The following GRID2 variants were observed in gnomAD, a reference collection of about 807,000 sequenced individuals.
GRID2 encodes the protein glutamate receptor ionotropic, delta-2.
GRID2 carries 33 observed loss-of-function variants against 114.8 expected under a neutral mutation model. The ratio of observed to expected loss-of-function variants is 0.29; its 90% CI spans 0.22 to 0.38. The LOEUF (loss-of-function observed/expected upper bound fraction) is 0.38, where lower values mean the gene tolerates loss of function less well. GRID2 is among the 10% of genes least tolerant of loss of function. The pLI is 1.00. For synonymous variants in GRID2, 505 were observed against 449.9 expected (o/e 1.12, Z -1.55); for missense variants, 1,184 against 1,257.7 (o/e 0.94, Z 0.89).
chr4:93,596,307 C>T (rs755142477), intron 13 of GRID2, among the ~76,000 whole-genome samples: 4 of 152,058 alleles, frequency 2.6e-5, no homozygotes, highest in Non-Finnish European at 4.4e-5. Flanking sequence ...GGGCTGGGTG[C>T]GGTGGCTCAC....
chr4:93,011,258 C>T (rs553491436), intron 2 of GRID2, among the ~76,000 whole-genome samples: 2 of 151,502 alleles, frequency 1.3e-5, no homozygotes, highest in Non-Finnish European at 2.9e-5. Flanking sequence ...ATAGGTATTG[C>T]CAATGATTTT....
intron 2 of GRID2, among the ~76,000 whole-genome samples, chr4:92,650,201 T>A (rs529418284): frequency 6.6e-6 from 1 of 152,210 alleles, no homozygotes; most frequent in Non-Finnish European, 1.5e-5. Flanking sequence ...TTCATGATAC[T>A]GGCAGTTCTC....
intron 2 of GRID2, among the ~76,000 whole-genome samples, chr4:93,038,733 G>A (rs1303041816): frequency 5.9e-5 from 9 of 152,064 alleles, no homozygotes; most frequent in Non-Finnish European, 1.0e-4. Context: ...GGAGCTTAGA[G>A]TGAGCTGAGA....
chr4:92,719,700 A>G (rs1735719893), intron 2 of GRID2, among the ~76,000 whole-genome samples: 1 of 152,146 alleles, frequency 6.6e-6, no homozygotes. Flanking sequence ...ATGTTGATCT[A>G]GAGAAATGGT....
At chr4:92,787,792 C>G (rs893004602) in intron 2 of GRID2, among the ~76,000 whole-genome samples, 2 of 151,720 alleles carry the variant, frequency 1.3e-5, no homozygotes, top group Non-Finnish European at 2.9e-5. Flanking sequence ...TTACCATTAT[C>G]CTGATAAGAG....
At chr4:93,122,717 C>T (rs559087883) in intron 4 of GRID2, among the ~76,000 whole-genome samples, 1 of 151,742 alleles carries the variant, frequency 6.6e-6, no homozygotes, top group Admixed American at 6.6e-5. Context: ...AAATAACTGG[C>T]TTAAAAAAAA....
intron 2 of GRID2, among the ~76,000 whole-genome samples, chr4:92,683,589 A>T (rs1264606659): frequency 6.6e-6 from 1 of 152,116 alleles, no homozygotes; most frequent in East Asian, 1.9e-4. Context: ...ATATACTTAC[A>T]TTTTTATAAT....
At chr4:92,784,879 G>C (rs150537751) in intron 2 of GRID2, among the ~76,000 whole-genome samples, 2 of 151,778 alleles carry the variant, frequency 1.3e-5, no homozygotes, top group Admixed American at 1.3e-4. Context: ...AGTGGTCTGA[G>C]CTGTGTCATC....
At chr4:93,575,319 T>C (rs963071076) in intron 13 of GRID2, among the ~76,000 whole-genome samples, 3 of 152,194 alleles carry the variant, frequency 2.0e-5, no homozygotes, top group African/African-American at 7.2e-5. Context: ...GGCATTTGTT[T>C]TGCCTCCATA....
At chr4:92,445,845 A>G (rs568285225) in intron 1 of GRID2, among the ~76,000 whole-genome samples, 3 of 152,224 alleles carry the variant, frequency 2.0e-5, no homozygotes, top group Admixed American at 2.0e-4. Context: ...TAGCTCTGCT[A>G]TTGTTAATCA....
At chr4:92,417,629 A>ATAATAGTGTTCAGAAATTATCATG (rs1731686285) in intron 1 of GRID2, among the ~76,000 whole-genome samples, 1 of 152,008 alleles carries the variant, frequency 6.6e-6, no homozygotes, top group Non-Finnish European at 1.5e-5. Flanking sequence ...AAATTATCAT[A>ATAATAGTGTTCAGAAATTATCATG]TTACATGCCA....
chr4:93,313,349 T>C (rs931733183), intron 8 of GRID2, among the ~76,000 whole-genome samples: 1 of 152,188 alleles, frequency 6.6e-6, no homozygotes, highest in Admixed American at 6.5e-5. Context: ...TGACTTGAAG[T>C]AACAATCACC....
At chr4:93,517,348 T>G (rs1729833850) in intron 13 of GRID2, among the ~76,000 whole-genome samples, 1 of 152,088 alleles carries the variant, frequency 6.6e-6, no homozygotes, top group African/African-American at 2.4e-5. Context: ...CTATTCTTTG[T>G]TAGTCTGTTG....
chr4:93,230,692 G>T (rs540479509), intron 7 of GRID2, among the ~76,000 whole-genome samples: 1 of 152,038 alleles, frequency 6.6e-6, no homozygotes, highest in South Asian at 2.1e-4. Context: ...TTTGGTGTCT[G>T]TGTACTTTAC....
chr4:93,719,146 T>C (rs1219062090), intron 14 of GRID2, among the ~76,000 whole-genome samples: 1 of 151,888 alleles, frequency 6.6e-6, no homozygotes, highest in Non-Finnish European at 1.5e-5. Flanking sequence ...TGATAATATA[T>C]TACAAATATT....
chr4:93,597,176 C>T (rs1363062130), intron 13 of GRID2, among the ~76,000 whole-genome samples: 1 of 152,086 alleles, frequency 6.6e-6, no homozygotes, highest in Non-Finnish European at 1.5e-5. Context: ...ATTAAACAAA[C>T]AATAACAACA....
intron 8 of GRID2, among the ~76,000 whole-genome samples, chr4:93,312,750 T>C (rs1756153853): frequency 6.6e-6 from 1 of 152,204 alleles, no homozygotes; most frequent in African/African-American, 2.4e-5. Context: ...GGAATTTTGA[T>C]GAATATAATA....
rs971433486 is a variant in GRID2, at chr4:93,392,584, A to G, written c.1246-3023A>G. ...AAGTGGATATGAACAGAAATTAAAG[A>G]ATGTTAAAATGAGAAATCCAGACTG... On this transcript the variant is annotated intron_variant, in intron 8 of 15. Coordinates refer to ENST00000282020, the MANE Select transcript of GRID2 (RefSeq NM_001510.4). Among the ~76,000 whole-genome samples, 8 of 152,194 alleles carry G rather than the reference A, an allele frequency of 5.3e-5. No individual in the cohort carries two copies. In the East Asian group the frequency reaches 1.5e-3, roughly 29 times the overall value.
chr4:92,423,967 C>T (rs967781217), intron 1 of GRID2, among the ~76,000 whole-genome samples: 10 of 152,070 alleles, frequency 6.6e-5, no homozygotes, highest in East Asian at 1.9e-4. Context: ...AAAATATTTG[C>T]GAAGGCTCTG....
Sources: allele counts gnomAD v4.1 joint callset (sites outside exome capture counted in the v4.1 genomes callset), GRCh38; gene constraint gnomAD v4.1.1; transcripts MANE v1.5; gene names NCBI Gene and HGNC (gene_info 2026-07-23, HGNC 2026-07-21).